Variants in PLCE1 observed in about 807,000 individuals in gnomAD.
PLCE1 encodes 1-phosphatidylinositol 4,5-bisphosphate phosphodiesterase epsilon-1.
Under a neutral mutation model 242.8 loss-of-function variants are expected in PLCE1, and 119 were observed. The observed-to-expected ratio is 0.49, with a 90% CI of 0.42 to 0.57. The LOEUF is 0.57. PLCE1 is among the 20% of genes least tolerant of loss of function. The probability of loss-of-function intolerance (pLI) is 0.00; values close to 1 mark genes in which losing one functional copy is unlikely to be tolerated. For missense variants in PLCE1, 2,441 were observed against 2,788.8 expected (o/e 0.88, Z 2.81); for synonymous variants, 945 against 1,017.4 (o/e 0.93, Z 1.35).
intron 2 of PLCE1, among the ~76,000 whole-genome samples, chr10:94,058,979 T>C (rs2043977057): frequency 6.6e-6 from 1 of 152,218 alleles, no homozygotes; most frequent in Non-Finnish European, 1.5e-5. Context: ...TAAACACATG[T>C]ACCTATGGGC....
intron 3 of PLCE1, among the ~76,000 whole-genome samples, chr10:94,159,026 CA>C (rs1420806101): frequency 6.6e-6 from 1 of 151,804 alleles, no homozygotes; most frequent in East Asian, 1.9e-4. Flanking sequence ...CACGTTTTCA[CA>C]GTGAGCATGT....
intron 2 of PLCE1, among the ~76,000 whole-genome samples, chr10:94,068,494 G>A (rs2044261513): frequency 1.3e-5 from 2 of 152,132 alleles, no homozygotes; most frequent in South Asian, 4.1e-4. Context: ...GATGATTTAT[G>A]CTATACAAGA....
intron 2 of PLCE1, among the ~76,000 whole-genome samples, chr10:94,108,204 A>T (rs2045826365): frequency 6.6e-6 from 1 of 152,124 alleles, no homozygotes. Flanking sequence ...TCCCAACCCC[A>T]TTCCACCCTA....
In PLCE1 at chr10:94,328,180, C is replaced by T; in HGVS notation, c.*237C>T. ...CAGGGGACTGCCATTTTATAAATGTCAGCAGTTGGAAAAATCGTCACGAAT... is the reference window on the plus strand; with the variant it reads ...CAGGGGACTGCCATTTTATAAATGTTAGCAGTTGGAAAAATCGTCACGAAT... On this transcript the variant is annotated 3_prime_UTR_variant, in exon 33 of 33. Coordinates refer to ENST00000371380, the MANE Select transcript of PLCE1 (RefSeq NM_016341.4). The T allele has an allele frequency of 3.4e-6, 1 of 290,430 alleles. No individual in the cohort carries two copies. The highest frequency in any genetic ancestry group is 7.4e-6 in the Non-Finnish European group (1 of 135,216). The allele number at this position is 290,430 out of a possible 1,614,324, so 18.0% of individuals were successfully genotyped here.
intron 1 of PLCE1, among the ~76,000 whole-genome samples, chr10:94,025,044 G>A (rs966513273): frequency 3.3e-5 from 5 of 151,970 alleles, no homozygotes; most frequent in Non-Finnish European, 7.4e-5. Flanking sequence ...GAAACAGGCA[G>A]TCAGGTTTCT....
intron 14 of PLCE1, among the ~76,000 whole-genome samples, chr10:94,263,739 T>C (rs1281273425): frequency 6.6e-6 from 1 of 152,028 alleles, no homozygotes; most frequent in Non-Finnish European, 1.5e-5. Context: ...TTCTTTAACA[T>C]ATTATTAGTG....
intron 2 of PLCE1, among the ~76,000 whole-genome samples, chr10:94,092,964 A>G (rs2135390419): frequency 6.6e-6 from 1 of 152,286 alleles, no homozygotes; most frequent in Middle Eastern, 3.4e-3. Flanking sequence ...ATATATCAAA[A>G]TCATCTTTAG....
At chr10:94,147,687 A>G (rs534118990) in intron 3 of PLCE1, among the ~76,000 whole-genome samples, 4 of 152,312 alleles carry the variant, frequency 2.6e-5, no homozygotes, top group Admixed American at 2.6e-4. Flanking sequence ...GGGCATAGAG[A>G]TGGGAAACCA....
chr10:94,177,058 G>A (rs1000811240), intron 4 of PLCE1, among the ~76,000 whole-genome samples: 8 of 152,148 alleles, frequency 5.3e-5, no homozygotes, highest in Non-Finnish European at 4.4e-5. Flanking sequence ...CCAGAACCAC[G>A]CTTATGAGCT....
At chr10:94,267,830 C>T (rs2051570338) in intron 16 of PLCE1, among the ~76,000 whole-genome samples, 1 of 152,156 alleles carries the variant, frequency 6.6e-6, no homozygotes, top group African/African-American at 2.4e-5. Flanking sequence ...TTCTAGGCCA[C>T]TGACTATGCT....
At chr10:94,102,263 T>C (rs528010575) in intron 2 of PLCE1, among the ~76,000 whole-genome samples, 4 of 152,268 alleles carry the variant, frequency 2.6e-5, no homozygotes, top group Admixed American at 2.6e-4. Context: ...TTCAGAAACA[T>C]TGAGCCTTCA....
intron 2 of PLCE1, among the ~76,000 whole-genome samples, chr10:94,088,361 CT>C (rs1237303498): frequency 6.6e-6 from 1 of 152,228 alleles, no homozygotes; most frequent in African/African-American, 2.4e-5. Context: ...AAGCTAACCT[CT>C]AATCTGCAAT....
At chr10:94,117,447 A>G (rs1019550321) in intron 2 of PLCE1, among the ~76,000 whole-genome samples, 38 of 152,066 alleles carry the variant, frequency 2.5e-4, no homozygotes, top group Non-Finnish European at 1.8e-4. Flanking sequence ...TCCCTTCCCT[A>G]TAGCCTACCC....
rs1002292111 is a variant in PLCE1 at position 94,263,876 on chromosome 10, T to C, written c.4053+1144T>C. On this transcript the variant is annotated intron_variant, in intron 14 of 32. Coordinates refer to ENST00000371380, the MANE Select transcript of PLCE1 (RefSeq NM_016341.4). Reference sequence around the variant, plus strand: ...ATGTAGGTCCCAGGCTTTCTCTAACTCAGTAACTATTATAAGGAGTTGGTA... The same window carrying C: ...ATGTAGGTCCCAGGCTTTCTCTAACCCAGTAACTATTATAAGGAGTTGGTA... Among the ~76,000 whole-genome samples, 4 of 152,284 alleles carry C rather than the reference T, an allele frequency of 2.6e-5. No individual in the cohort carries two copies. In the South Asian group the frequency reaches 6.2e-4, roughly 24 times the overall value.
At chr10:94,324,221 G>A in intron 30 of PLCE1, 128 bp from the exon 31 acceptor site, 1 of 791,930 alleles carries the variant, frequency 1.3e-6, no homozygotes, top group Non-Finnish European at 2.2e-6. Context: ...TGAGTTGGAT[G>A]AAATGATCTG....
chr10:94,246,221 C>T lies in PLCE1; in HGVS notation c.2696C>T (p.Ala899Val), dbSNP rs754200278. Residue 899 changes from alanine to valine, a missense_variant, in exon 8 of 33, where the codon GCC becomes GTC. Coordinates refer to ENST00000371380, the MANE Select transcript of PLCE1 (RefSeq NM_016341.4). ...TTGACCTGGGTAAAGCCCACAACTG[C>T]CTCCCCAGCCAGCAGTAAAGCAAAA... ...STLTWVKPTT[A>V]SPASSKAKLG... 8 of 1,614,034 alleles carry T rather than the reference C, an allele frequency of 5.0e-6. No homozygotes were observed. Among genetic ancestry groups the T allele is most frequent in the Non-Finnish European group, 6.8e-6 (8 of 1,180,020 alleles).
intron 1 of PLCE1, among the ~76,000 whole-genome samples, chr10:94,027,916 GAAACCC>G (rs1165674847): frequency 6.6e-6 from 1 of 152,170 alleles, no homozygotes. Context: ...GAAGACATCA[GAAACCC>G]AAACCCATAG....
chr10:94,053,478 G>C (rs533906967), intron 2 of PLCE1, among the ~76,000 whole-genome samples: 1 of 152,180 alleles, frequency 6.6e-6, no homozygotes, highest in Non-Finnish European at 1.5e-5. Flanking sequence ...TTTTTACTTT[G>C]CTATGTGGTC....
intron 2 of PLCE1, among the ~76,000 whole-genome samples, chr10:94,126,366 A>G (rs1258806507): frequency 6.6e-6 from 1 of 152,200 alleles, no homozygotes; most frequent in Non-Finnish European, 1.5e-5. Flanking sequence ...CTTTCCTCCC[A>G]ATGACTTCAG....
Sources: allele counts gnomAD v4.1 joint callset (sites outside exome capture counted in the v4.1 genomes callset), GRCh38; gene constraint gnomAD v4.1.1; transcripts MANE v1.5; gene names NCBI Gene and HGNC (gene_info 2026-07-23, HGNC 2026-07-21).